The following DNAJC5 variants were observed in gnomAD, a reference collection of about 807,000 sequenced individuals.
The protein encoded by DNAJC5 is dnaJ homolog subfamily C member 5.
In DNAJC5, 1 loss-of-function variant was observed where a neutral mutation model predicts 23.2. The ratio of observed to expected loss-of-function variants is 0.04; its 90% CI spans 0.02 to 0.20. The LOEUF is 0.20. Ranked by LOEUF, DNAJC5 falls within the 10% of genes least tolerant of loss-of-function variation. The probability of loss-of-function intolerance (pLI) is 1.00; values close to 1 mark genes in which losing one functional copy is unlikely to be tolerated. For synonymous variants in DNAJC5, 136 were observed against 120.0 expected (o/e 1.13, Z -0.87); for missense variants, 180 against 267.0 (o/e 0.67, Z 2.27).
intron 1 of DNAJC5, among the ~76,000 whole-genome samples, chr20:63,910,465 C>G (rs2053475365): frequency 1.3e-5 from 2 of 151,362 alleles, no homozygotes; most frequent in African/African-American, 4.9e-5. Context: ...ATGGCGTGAA[C>G]CTGGGAGGCA....
intron 1 of DNAJC5, among the ~76,000 whole-genome samples, chr20:63,914,816 G>C (rs1277673760): frequency 6.6e-6 from 1 of 151,086 alleles, no homozygotes; most frequent in Non-Finnish European, 1.5e-5. Context: ...GGGTTTCACT[G>C]TGTTGCCCAG....
chr20:63,925,883 A>C (rs56296479), intron 1 of DNAJC5, among the ~76,000 whole-genome samples: 1 of 138,526 alleles, frequency 7.2e-6, no homozygotes, highest in East Asian at 2.2e-4. Context: ...GCTGGAGTGC[A>C]GTGGTGCGAT....
In DNAJC5 at chr20:63,933,693, G is replaced by A. The variant is rs2053693756; in HGVS notation, c.*2125G>A. The A allele has an allele frequency of 6.6e-6, 1 of 152,390 alleles. No homozygotes were observed. The highest frequency in any genetic ancestry group is 6.5e-5 in the Admixed American group (1 of 15,278). 9.4% of individuals were successfully genotyped at this position (152,390 alleles called of 1,614,324 possible). A position where few individuals can be genotyped will look rare whatever the true frequency, so the allele number is the denominator to read the frequency against. On this transcript the variant is annotated 3_prime_UTR_variant, in exon 5 of 5. Transcript: ENST00000360864. ...CTCAGCCTTTGCAATTTTTGTAGAT[G>A]TAGCTTAGGACGTGAGTTATTTTTC...
intron 1 of DNAJC5, among the ~76,000 whole-genome samples, chr20:63,925,269 A>G (rs1160729999): frequency 6.6e-6 from 1 of 152,176 alleles, no homozygotes; most frequent in Non-Finnish European, 1.5e-5. Context: ...ACGGATCACA[A>G]GGTCAGGAGT....
At chr20:63,913,669 G>A (rs113437392) in intron 1 of DNAJC5, among the ~76,000 whole-genome samples, 9,006 of 152,152 alleles carry the variant, frequency 0.059, 441 homozygotes, top group Non-Finnish European at 0.079. Context: ...CACCTCCTGG[G>A]TTCAAGTGAT....
At chr20:63,924,124 A>T (rs920625188) in intron 1 of DNAJC5, among the ~76,000 whole-genome samples, 5 of 152,116 alleles carry the variant, frequency 3.3e-5, no homozygotes, top group Non-Finnish European at 5.9e-5. Flanking sequence ...TAAATTCTCT[A>T]ACTTTTGTTC....
chr20:63,898,889 G>A (rs898632372), intron 1 of DNAJC5, among the ~76,000 whole-genome samples: 6 of 152,158 alleles, frequency 3.9e-5, no homozygotes, highest in Admixed American at 6.6e-5. Context: ...GAGACTCATC[G>A]TGATGTTCTG....
chr20:63,924,318 A>C (rs2053594132), intron 1 of DNAJC5, among the ~76,000 whole-genome samples: 1 of 152,158 alleles, frequency 6.6e-6, no homozygotes, highest in African/African-American at 2.4e-5. Flanking sequence ...GAACATGAGG[A>C]ATCTTTTTCT....
Position 63,920,561 on chromosome 20 carries a change from G to A in DNAJC5, c.-11-7774G>A, listed in dbSNP as rs901456368. ...AAGCTCAGCGTCCCTGCACGTGTGC[G>A]GTCTTGTCTGCCTAGGCATGTGTGC... On this transcript the variant is annotated intron_variant, in intron 1 of 4. Coordinates refer to ENST00000360864, the MANE Select transcript of DNAJC5 (RefSeq NM_025219.3). This position sits in a 1 kb window ranked among gnomAD's most constrained non-coding sequence, Gnocchi z 4.6. Among the ~76,000 whole-genome samples the A allele has an allele frequency of 2.6e-5, 4 of 152,276 alleles. No homozygotes were observed. Among genetic ancestry groups the A allele is most frequent in the Non-Finnish European group, 4.4e-5 (3 of 68,050 alleles).
At chr20:63,912,436 T>G (rs187638576) in intron 1 of DNAJC5, among the ~76,000 whole-genome samples, 4 of 152,330 alleles carry the variant, frequency 2.6e-5, no homozygotes, top group Non-Finnish European at 5.9e-5. Context: ...GGGTTTTTTT[T>G]GGAATAGATA....
chr20:63,909,543 G>A (rs1274507169), intron 1 of DNAJC5, among the ~76,000 whole-genome samples: 2 of 150,520 alleles, frequency 1.3e-5, no homozygotes, highest in East Asian at 3.9e-4. Flanking sequence ...TTAGCCGGGA[G>A]CAGTGATGCG....
At chr20:63,899,939 A>C (rs1568973772) in intron 1 of DNAJC5, among the ~76,000 whole-genome samples, 1 of 136,148 alleles carries the variant, frequency 7.3e-6, no homozygotes, top group Non-Finnish European at 1.5e-5. Context: ...CCCAGGCTTG[A>C]GTACAACGGT....
chr20:63,915,401 A>G (rs1462672792), intron 1 of DNAJC5, among the ~76,000 whole-genome samples: 1 of 148,066 alleles, frequency 6.8e-6, no homozygotes, highest in African/African-American at 2.5e-5. Context: ...ATTTAATGTT[A>G]TATGTTTTTT....
At position 63,932,108 on chromosome 20, in the gene DNAJC5, G is replaced by A. The variant is rs530195733; in HGVS notation, c.*540G>A. 1.0e-5 allele frequency: 2 copies of A among 193,090 alleles called. No homozygotes were observed. Among genetic ancestry groups the A allele is most frequent in the South Asian group, 8.7e-5 (1 of 11,498 alleles). The allele number at this position is 193,090 out of a possible 1,614,324, so 12.0% of individuals were successfully genotyped here. A position where few individuals can be genotyped will look rare whatever the true frequency, so the allele number is the denominator to read the frequency against. On this transcript the variant is annotated 3_prime_UTR_variant, in exon 5 of 5. Coordinates refer to ENST00000360864, the MANE Select transcript of DNAJC5 (RefSeq NM_025219.3). The surrounding 1 kb of genome is among the most constrained non-coding windows in gnomAD (Gnocchi z 4.4). The stretch of plus-strand genomic sequence containing the variant: ...CACCTGCCAGAAGAGAGGCGGGGCC[G>A]CGTCCTCCTGGCGTCACCGGCGTCA...
chr20:63,921,790 T>C (rs555041984), intron 1 of DNAJC5, among the ~76,000 whole-genome samples: 2 of 152,204 alleles, frequency 1.3e-5, no homozygotes, highest in Non-Finnish European at 1.5e-5. Flanking sequence ...TGAAAGTTTT[T>C]TTTTTGGAGA....
At position 63,934,457 on chromosome 20, in the gene DNAJC5, C is replaced by T. The variant is rs2053700931; in HGVS notation, c.*2889C>T. 1 of 152,312 alleles carries T rather than the reference C, an allele frequency of 6.6e-6. No individual in the cohort carries two copies. The highest frequency in any genetic ancestry group is 2.1e-4 in the South Asian group (1 of 4,834). The allele number at this position is 152,312 out of a possible 1,614,324, so 9.4% of individuals were successfully genotyped here. On this transcript the variant is annotated 3_prime_UTR_variant, in exon 5 of 5. Transcript: ENST00000360864. Reference sequence around the variant, plus strand: ...CCGCTGCTGGGGGCTGCCAGGGGCCCTCTGGGGTCGTGCTTTGAGGCCCGT... The same window carrying T: ...CCGCTGCTGGGGGCTGCCAGGGGCCTTCTGGGGTCGTGCTTTGAGGCCCGT...
chr20:63,925,354 G>A lies in DNAJC5; in HGVS notation c.-11-2981G>A, dbSNP rs185068024. Among the ~76,000 whole-genome samples, 55 of 152,234 alleles carry A rather than the reference G, an allele frequency of 3.6e-4. 1 individual carries two copies. The highest frequency in any genetic ancestry group is 3.2e-3 in the Admixed American group (49 of 15,290). On this transcript the variant is annotated intron_variant, in intron 1 of 4. Coordinates refer to ENST00000360864, the MANE Select transcript of DNAJC5 (RefSeq NM_025219.3). ...CAAAAATTACCTGGGCGTGGTTCGC[G>A]TGCCTGTAGTCCCAGTGACTTGGGA... is the stretch of plus-strand genomic sequence containing the variant.
intron 1 of DNAJC5, among the ~76,000 whole-genome samples, chr20:63,919,090 TG>T (rs2053540371): frequency 1.3e-5 from 2 of 152,236 alleles, no homozygotes; most frequent in African/African-American, 4.8e-5. Flanking sequence ...AGATTGCACC[TG>T]GAAGTACAGA....
rs559087368 is a variant in DNAJC5, at chr20:63,920,938, C to T, written c.-11-7397C>T. On this transcript the variant is annotated intron_variant, in intron 1 of 4. Transcript: ENST00000360864. The surrounding 1 kb of genome is among the most constrained non-coding windows in gnomAD (Gnocchi z 4.6). ...GAAGCAATCCACCTGCCTCAGCCTCCCAAAGCCTTGTTTGCTTTTTTTTAT... is the reference window on the plus strand; with the variant it reads ...GAAGCAATCCACCTGCCTCAGCCTCTCAAAGCCTTGTTTGCTTTTTTTTAT... 9.6e-4 allele frequency among the ~76,000 whole-genome samples: 146 copies of T among 152,040 alleles called. No homozygotes were observed. Among genetic ancestry groups the T allele is most frequent in the African/African-American group, 3.5e-3 (144 of 41,480 alleles).
Sources: gnomAD v4.1 joint callset for allele counts (sites outside exome capture counted in the v4.1 genomes callset) on GRCh38, gnomAD v4.1.1 for gene constraint, Gnocchi (gnomAD v3.1) non-coding constraint, MANE v1.5 for transcripts, NCBI Gene and HGNC (gene_info 2026-07-23, HGNC 2026-07-21) for gene names.